Variants in NRXN3 observed in about 807,000 individuals in gnomAD.
NRXN3 encodes the protein neurexin 3.
In NRXN3, 32 loss-of-function variants were observed where a neutral mutation model predicts 137.6. The ratio of observed to expected loss-of-function variants is 0.23; its 90% CI spans 0.18 to 0.31. The LOEUF (loss-of-function observed/expected upper bound fraction) is 0.31. Among genes scored for constraint, NRXN3 ranks in the 10% least tolerant of loss-of-function variants. NRXN3 has a pLI of 1.00. For missense variants in NRXN3, 1,574 were observed against 2,062.5 expected (o/e 0.76, Z 4.59); for synonymous variants, 798 against 784.5 (o/e 1.02, Z -0.29).
intron 19 of NRXN3, among the ~76,000 whole-genome samples, chr14:79,714,848 T>G (rs78829467): frequency 0.015 from 2,335 of 152,348 alleles, 42 homozygotes; most frequent in South Asian, 0.073. Context: ...GCATCCTTTT[T>G]AAATTCAAAA....
At chr14:78,769,224 C>T (rs2098719073) in intron 8 of NRXN3, among the ~76,000 whole-genome samples, 1 of 152,194 alleles carries the variant, frequency 6.6e-6, no homozygotes, top group Non-Finnish European at 1.5e-5. Flanking sequence ...GTGATAGAAA[C>T]CAGGGACAAA....
chr14:79,789,422 A>T (rs2140260814), intron 19 of NRXN3, among the ~76,000 whole-genome samples: 1 of 152,270 alleles, frequency 6.6e-6, no homozygotes, highest in Admixed American at 6.5e-5. Flanking sequence ...CACGCAAGAA[A>T]GAATTCAGGG....
At chr14:78,173,934 C>T (rs979478352) in intron 1 of NRXN3, among the ~76,000 whole-genome samples, 1 of 151,982 alleles carries the variant, frequency 6.6e-6, no homozygotes, top group East Asian at 2.0e-4. Flanking sequence ...ATGGCTCCTT[C>T]CCCCCATCTT....
chr14:78,506,191 A>G (rs1371338041), intron 4 of NRXN3, among the ~76,000 whole-genome samples: 5 of 152,160 alleles, frequency 3.3e-5, no homozygotes, highest in Non-Finnish European at 2.9e-5. Context: ...ACTATTACAG[A>G]TATGTCATAT....
Position 79,034,411 on chromosome 14 carries a change from A to G in NRXN3, c.3262+46270A>G, listed in dbSNP as rs2099612833. On this transcript the variant is annotated intron_variant, in intron 15 of 20. Transcript: ENST00000335750. ...TGGAAAAAAAACATGTTAAGAGAAG[A>G]CATTTAAAAGTTTAAAGAACTTAGA... 2.0e-5 allele frequency among the ~76,000 whole-genome samples: 3 copies of G among 149,888 alleles called. No individual in the cohort carries two copies. In the Admixed American group the frequency reaches 2.0e-4, roughly 10 times the overall value.
At chr14:79,080,469 C>T (rs2046765345) in intron 15 of NRXN3, among the ~76,000 whole-genome samples, 1 of 151,936 alleles carries the variant, frequency 6.6e-6, no homozygotes, top group African/African-American at 2.4e-5. Context: ...TGGGAGATCC[C>T]CAAAATAATG....
At chr14:79,118,602 G>A (rs926227173) in intron 15 of NRXN3, among the ~76,000 whole-genome samples, 1 of 152,208 alleles carries the variant, frequency 6.6e-6, no homozygotes, top group African/African-American at 2.4e-5. Context: ...CCCGCCCACA[G>A]TAGACAAACA....
chr14:79,314,216 C>A (rs1177370784), intron 15 of NRXN3: 3 of 137,824 alleles, frequency 2.2e-5, no homozygotes, highest in African/African-American at 8.3e-5. Context: ...GCGCACCGTG[C>A]GCGAGCCGAA....
rs148562387 is a variant in NRXN3, at chr14:78,191,185, G to C, written c.-704+20511G>C. On this transcript the variant is annotated intron_variant, in intron 1 of 20. Transcript: ENST00000335750. The stretch of plus-strand genomic sequence containing the variant: ...TTCACAACTGGTGGGGTGTGGGGCT[G>C]GGCCAGGGGGATGACCATTGGTGAA... Among the ~76,000 whole-genome samples, 935 of 152,270 alleles carry C rather than the reference G, an allele frequency of 6.1e-3. 12 individuals carry two copies. The highest frequency in any genetic ancestry group is 0.021 in the African/African-American group (890 of 41,542).
intron 16 of NRXN3, among the ~76,000 whole-genome samples, chr14:79,609,765 G>C (rs1335806152): frequency 6.6e-6 from 1 of 152,076 alleles, no homozygotes; most frequent in Non-Finnish European, 1.5e-5. Flanking sequence ...ATACCAAAAC[G>C]AATATGCCAG....
At chr14:79,477,051 C>A (rs188687898) in intron 16 of NRXN3, among the ~76,000 whole-genome samples, 1 of 151,138 alleles carries the variant, frequency 6.6e-6, no homozygotes, top group East Asian at 1.9e-4. Flanking sequence ...ATCATATGTA[C>A]GAATCTTTTT....
At chr14:78,762,591 C>A (rs1483268690) in intron 8 of NRXN3, among the ~76,000 whole-genome samples, 2 of 152,148 alleles carry the variant, frequency 1.3e-5, no homozygotes, top group Non-Finnish European at 2.9e-5. Context: ...AAGGGTAAGA[C>A]AGTCTCCATC....
intron 15 of NRXN3, among the ~76,000 whole-genome samples, chr14:79,240,775 G>A (rs1245117248): frequency 6.6e-6 from 1 of 151,946 alleles, no homozygotes; most frequent in Non-Finnish European, 1.5e-5. Context: ...GTGTAATATG[G>A]ACAGGTGTTG....
chr14:78,303,262 G>T (rs189325912), intron 4 of NRXN3, among the ~76,000 whole-genome samples: 7 of 151,648 alleles, frequency 4.6e-5, no homozygotes, highest in Middle Eastern at 3.4e-3. Flanking sequence ...TATTTTCCTT[G>T]AATGCTCCAT....
At chr14:78,426,069 A>G (rs966650072) in intron 4 of NRXN3, among the ~76,000 whole-genome samples, 12 of 152,214 alleles carry the variant, frequency 7.9e-5, no homozygotes, top group African/African-American at 2.9e-4. Flanking sequence ...CAGCAGGACC[A>G]TCCTGGGGAG....
intron 16 of NRXN3, among the ~76,000 whole-genome samples, chr14:79,524,690 C>T (rs920673830): frequency 5.9e-5 from 9 of 152,274 alleles, no homozygotes; most frequent in Non-Finnish European, 1.3e-4. Flanking sequence ...TCCAAAGATT[C>T]TCTGAAAAAT....
At chr14:78,345,782 C>T (rs2082663995) in intron 4 of NRXN3, among the ~76,000 whole-genome samples, 1 of 152,172 alleles carries the variant, frequency 6.6e-6, no homozygotes, top group Non-Finnish European at 1.5e-5. Flanking sequence ...CATCCAGGCA[C>T]CTGCTGGGCA....
intron 19 of NRXN3, among the ~76,000 whole-genome samples, chr14:79,702,918 T>TATC (rs2098760785): frequency 1.3e-5 from 1 of 78,664 alleles, no homozygotes; most frequent in African/African-American, 4.8e-5. Context: ...CATCCTGAGT[T>TATC]ATCAGCAGAA....
chr14:78,363,217 G>A (rs913209103), intron 4 of NRXN3, among the ~76,000 whole-genome samples: 17 of 152,144 alleles, frequency 1.1e-4, no homozygotes, highest in African/African-American at 1.9e-4. Flanking sequence ...CTTGCAGGGC[G>A]TGAGCATCCA....
Sources: allele counts gnomAD v4.1 joint callset (sites outside exome capture counted in the v4.1 genomes callset), GRCh38; gene constraint gnomAD v4.1.1; transcripts MANE v1.5; gene names NCBI Gene and HGNC (gene_info 2026-07-23, HGNC 2026-07-21).